Variants in XKR6 observed in about 807,000 individuals in gnomAD.
XKR6 encodes XK-related protein 6.
In XKR6, 22 loss-of-function variants were observed where a neutral mutation model predicts 56.7. The observed-to-expected ratio is 0.39, with a 90% CI of 0.28 to 0.55. XKR6 has a LOEUF of 0.55. Ranked by LOEUF, XKR6 falls within the 20% of genes least tolerant of loss-of-function variation. The pLI, the probability that XKR6 is intolerant of heterozygous loss-of-function variation, is 0.66. For missense variants in XKR6, 852 were observed against 889.0 expected (o/e 0.96, Z 0.53); for synonymous variants, 524 against 387.8 (o/e 1.35, Z -4.13).
At chr8:11,053,842 G>T (rs894360467) in intron 1 of XKR6, among the ~76,000 whole-genome samples, 3 of 152,198 alleles carry the variant, frequency 2.0e-5, no homozygotes, top group African/African-American at 4.8e-5. Context: ...GCAGGGAAGA[G>T]AAGGCGAGAT....
intron 1 of XKR6, chr8:11,195,082 C>T: frequency 1.4e-6 from 1 of 699,290 alleles, no homozygotes; most frequent in Non-Finnish European, 2.6e-6. Flanking sequence ...CTCAATTTAA[C>T]CCACTTACCC....
At chr8:11,178,547 A>ATATATATATATATAC (rs1802779230) in intron 1 of XKR6, among the ~76,000 whole-genome samples, 4 of 88,506 alleles carry the variant, frequency 4.5e-5, no homozygotes, top group African/African-American at 2.3e-4. Flanking sequence ...GAGAGGTAAA[A>ATATATATATATATAC]ATATATATAT....
At chr8:10,900,828 T>A (rs1800014780) in intron 2 of XKR6, among the ~76,000 whole-genome samples, 1 of 148,210 alleles carries the variant, frequency 6.7e-6, no homozygotes, top group Non-Finnish European at 1.5e-5. Context: ...AGGTTGCAGA[T>A]TTCTGGAGGG....
chr8:11,110,127 C>T (rs1339096333), intron 1 of XKR6, among the ~76,000 whole-genome samples: 1 of 152,074 alleles, frequency 6.6e-6, no homozygotes, highest in African/African-American at 2.4e-5. Flanking sequence ...TGCCCGCCAC[C>T]ACATCCGGCT....
chr8:11,050,015 G>C (rs1431052412), intron 1 of XKR6, among the ~76,000 whole-genome samples: 1 of 152,092 alleles, frequency 6.6e-6, no homozygotes, highest in South Asian at 2.1e-4. Flanking sequence ...CAGAGATCTC[G>C]CATTTCCACT....
intron 1 of XKR6, among the ~76,000 whole-genome samples, chr8:11,090,841 G>T (rs1311645753): frequency 1.3e-5 from 2 of 152,116 alleles, no homozygotes; most frequent in African/African-American, 4.8e-5. Context: ...TATCTTTTAA[G>T]ATTGTTTTTG....
intron 2 of XKR6, among the ~76,000 whole-genome samples, chr8:10,901,588 G>A (rs951425225): frequency 2.6e-5 from 4 of 152,180 alleles, no homozygotes; most frequent in Non-Finnish European, 4.4e-5. Flanking sequence ...ACTGCTTGAT[G>A]TTAATCATGA....
At chr8:10,929,754 A>G (rs545333892) in intron 1 of XKR6, among the ~76,000 whole-genome samples, 3 of 152,308 alleles carry the variant, frequency 2.0e-5, no homozygotes, top group African/African-American at 4.8e-5. Context: ...GGGGCCTTAA[A>G]TAAGACCATG....
At chr8:10,984,730 C>CTATATATATATATA (rs1292575640) in intron 1 of XKR6, among the ~76,000 whole-genome samples, 32 of 63,658 alleles carry the variant, frequency 5.0e-4, no homozygotes, top group African/African-American at 1.6e-3. Flanking sequence ...CTCTCTCTCT[C>CTATATATATATATA]TCTATATATA....
chr8:11,037,505 A>G (rs994657258), intron 1 of XKR6, among the ~76,000 whole-genome samples: 44 of 152,218 alleles, frequency 2.9e-4, no homozygotes, highest in Admixed American at 7.2e-4. Context: ...GATTACAGGC[A>G]TGAGCCACTG....
intron 1 of XKR6, among the ~76,000 whole-genome samples, chr8:11,046,082 G>C (rs1318589565): frequency 2.6e-5 from 4 of 151,920 alleles, no homozygotes; most frequent in African/African-American, 9.7e-5. Flanking sequence ...CCCACTTCCG[G>C]GTATATACCC....
chr8:11,055,120 G>T (rs1799648669), intron 1 of XKR6, among the ~76,000 whole-genome samples: 1 of 152,148 alleles, frequency 6.6e-6, no homozygotes, highest in Non-Finnish European at 1.5e-5. Flanking sequence ...TTTATTCAGG[G>T]GGACTGCCAC....
chr8:10,910,772 G>A (rs1430042670), intron 2 of XKR6, among the ~76,000 whole-genome samples: 1 of 152,206 alleles, frequency 6.6e-6, no homozygotes, highest in African/African-American at 2.4e-5. Flanking sequence ...TTAAGATTCT[G>A]TCAGGGATCT....
At chr8:11,104,191 A>T (rs980381557) in intron 1 of XKR6, among the ~76,000 whole-genome samples, 5 of 152,230 alleles carry the variant, frequency 3.3e-5, no homozygotes, top group Non-Finnish European at 5.9e-5. Context: ...CCTAATGAGC[A>T]ATTCAGCACG....
chr8:11,108,812 G>A (rs1563141816), intron 1 of XKR6: 1 of 165,494 alleles, frequency 6.0e-6, no homozygotes, highest in Non-Finnish European at 1.3e-5. Context: ...CCTGACACAT[G>A]ACCAGGGCCA....
At chr8:10,985,633 C>CA (rs1797845410) in intron 1 of XKR6, among the ~76,000 whole-genome samples, 1 of 148,268 alleles carries the variant, frequency 6.7e-6, no homozygotes, top group African/African-American at 2.5e-5. Context: ...AAAAACAAAA[C>CA]AAAAAACAAC....
At chr8:11,001,750 T>G (rs1265573592) in intron 1 of XKR6, among the ~76,000 whole-genome samples, 2 of 152,202 alleles carry the variant, frequency 1.3e-5, no homozygotes, top group Admixed American at 1.3e-4. Context: ...CCACAAGGAC[T>G]TCCTGCCTGG....
intron 2 of XKR6, among the ~76,000 whole-genome samples, chr8:10,910,422 C>T (rs1800318051): frequency 6.6e-6 from 1 of 152,164 alleles, no homozygotes; most frequent in African/African-American, 2.4e-5. Flanking sequence ...GCCATGAGGA[C>T]TGCATCTCTC....
At chr8:11,199,779 C>T (rs1020066024) in intron 1 of XKR6, among the ~76,000 whole-genome samples, 2 of 152,208 alleles carry the variant, frequency 1.3e-5, no homozygotes, top group Non-Finnish European at 2.9e-5. Flanking sequence ...CAAAGCCAAG[C>T]TTGCGTCTTG....
Sources: gnomAD v4.1 joint callset for allele counts (sites outside exome capture counted in the v4.1 genomes callset) on GRCh38, gnomAD v4.1.1 for gene constraint, MANE v1.5 for transcripts, NCBI Gene and HGNC (gene_info 2026-07-23, HGNC 2026-07-21) for gene names.